LRRFIP2: variants seen among roughly 807,000 people sequenced by gnomAD.
The protein encoded by LRRFIP2 is LRR binding FLII interacting protein 2, also known as leucine-rich repeat flightless-interacting protein 2.
LRRFIP2 carries 109 observed loss-of-function variants against 125.9 expected under a neutral mutation model. The ratio of observed to expected loss-of-function variants is 0.87; its 90% CI spans 0.74 to 1.01. LRRFIP2 has a LOEUF of 1.01. Among genes scored for constraint, LRRFIP2 ranks in the 50% least tolerant of loss-of-function variants. The pLI, the probability that LRRFIP2 is intolerant of heterozygous loss-of-function variation, is 0.00. For missense variants in LRRFIP2, 850 were observed against 862.3 expected (o/e 0.99, Z 0.18); for synonymous variants, 291 against 293.1 (o/e 0.99, Z 0.07).
chr3:37,053,766 TA>T lies in LRRFIP2; in HGVS notation c.*84del. The T allele has an allele frequency of 1.2e-6, 1 of 832,582 alleles. No individual in the cohort carries two copies. Among genetic ancestry groups the T allele is most frequent in the Non-Finnish European group, 2.1e-6 (1 of 480,740 alleles). 51.6% of individuals were successfully genotyped at this position (832,582 alleles called of 1,614,324 possible). On this transcript the variant is annotated 3_prime_UTR_variant, in exon 28 of 28. Transcript: ENST00000336686. Reference sequence around the variant, plus strand: ...TTAATGACAAAACTCAAAACAGTACTAAAAGGGGTTTGTGTCAATGGACAAA... The same window carrying T: ...TTAATGACAAAACTCAAAACAGTACTAAAGGGGTTTGTGTCAATGGACAAA...
At chr3:37,153,425 G>C (rs2096086496) in intron 1 of LRRFIP2, among the ~76,000 whole-genome samples, 1 of 151,740 alleles carries the variant, frequency 6.6e-6, no homozygotes, top group Admixed American at 6.6e-5. Context: ...TCCAATCTAA[G>C]GCTCAAAAAA....
At chr3:37,080,502 T>C (rs1328308196) in intron 19 of LRRFIP2, among the ~76,000 whole-genome samples, 1 of 152,074 alleles carries the variant, frequency 6.6e-6, no homozygotes, top group African/African-American at 2.4e-5. Flanking sequence ...CCTAGTCAAT[T>C]AAAGGATCTA....
intron 2 of LRRFIP2, among the ~76,000 whole-genome samples, chr3:37,134,079 G>A (rs976954069): frequency 6.6e-5 from 10 of 151,964 alleles, no homozygotes; most frequent in African/African-American, 2.4e-4. Context: ...CTACTTGGGA[G>A]GCTGAGGCAG....
intron 12 of LRRFIP2, 117 bp from the exon 13 acceptor site, chr3:37,108,246 T>C (rs2094419304): frequency 2.6e-6 from 2 of 777,240 alleles, no homozygotes; most frequent in African/African-American, 1.7e-5. Context: ...AAGGTAACTG[T>C]TATTCAGTGG....
At chr3:37,078,164 TAATTA>T in intron 19 of LRRFIP2, among the ~76,000 whole-genome samples, 1 of 152,162 alleles carries the variant, frequency 6.6e-6, no homozygotes, top group Non-Finnish European at 1.5e-5. Flanking sequence ...TTTTTAATGA[TAATTA>T]AATTTTTTAA....
intron 19 of LRRFIP2, 80 bp downstream of exon 19, chr3:37,083,556 G>T: frequency 1.9e-6 from 2 of 1,058,834 alleles, no homozygotes; most frequent in Non-Finnish European, 2.7e-6. Context: ...TCCTAAATAA[G>T]TATGCTGCAA....
At chr3:37,108,155 T>C in intron 12 of LRRFIP2, 26 bp from the exon 13 acceptor site, 2 of 1,559,362 alleles carry the variant, frequency 1.3e-6, no homozygotes, top group Non-Finnish European at 1.8e-6. Flanking sequence ...GAAGAAAGGT[T>C]TTACAACAAT....
chr3:37,129,007 C>G (rs2095357472), intron 3 of LRRFIP2, 56 bp downstream of exon 3: 11 of 1,458,256 alleles, frequency 7.5e-6, no homozygotes, highest in Middle Eastern at 1.7e-4. Context: ...ATAAACTAGC[C>G]AAGTACTGAT....
rs760362146 is a variant in LRRFIP2 at position 37,129,049 on chromosome 3, T to C, written c.177+14A>G. 2 of 1,609,206 alleles carry C rather than the reference T, an allele frequency of 1.2e-6. No homozygotes were observed. Among genetic ancestry groups the C allele is most frequent in the African/African-American group, 2.7e-5 (2 of 74,960 alleles). On this transcript the variant is annotated intron_variant, in intron 3 of 27. Transcript: ENST00000336686. Reference sequence around the variant, plus strand: ...GGAGACAAATATGAAATTAGGGTTATTCCCTCAAATTACCTCTTTTTGTTG... The same window carrying C: ...GGAGACAAATATGAAATTAGGGTTACTCCCTCAAATTACCTCTTTTTGTTG...
intron 3 of LRRFIP2, among the ~76,000 whole-genome samples, chr3:37,128,608 G>A (rs574382385): frequency 5.9e-5 from 9 of 151,368 alleles, no homozygotes; most frequent in Non-Finnish European, 1.2e-4. Context: ...ATAAAATTGG[G>A]GTCCTACAAA....
At chr3:37,149,627 G>A (rs1031867828) in intron 1 of LRRFIP2, among the ~76,000 whole-genome samples, 5 of 152,190 alleles carry the variant, frequency 3.3e-5, no homozygotes, top group African/African-American at 1.2e-4. Context: ...AGAAGAAAAT[G>A]TTCAAGAGGT....
At chr3:37,152,455 T>G (rs1317432200) in intron 1 of LRRFIP2, among the ~76,000 whole-genome samples, 1 of 152,234 alleles carries the variant, frequency 6.6e-6, no homozygotes, top group Admixed American at 6.5e-5. Flanking sequence ...TAATTTTTTT[T>G]TTTTGAGACG....
At chr3:37,132,784 A>G (rs1212875542) in intron 2 of LRRFIP2, among the ~76,000 whole-genome samples, 1 of 152,248 alleles carries the variant, frequency 6.6e-6, no homozygotes, top group African/African-American at 2.4e-5. Context: ...ATGGGTACAT[A>G]AAACATACTT....
At chr3:37,099,874 A>T (rs1235285088) in intron 15 of LRRFIP2, among the ~76,000 whole-genome samples, 1 of 152,176 alleles carries the variant, frequency 6.6e-6, no homozygotes, top group Non-Finnish European at 1.5e-5. Context: ...GCCTACAAAC[A>T]TATTTAGTAC....
intron 8 of LRRFIP2, among the ~76,000 whole-genome samples, chr3:37,112,250 C>G (rs1352246510): frequency 1.3e-5 from 2 of 150,596 alleles, no homozygotes; most frequent in African/African-American, 4.9e-5. Context: ...GCAGGAGAAT[C>G]GCTTGAACCT....
chr3:37,054,025 T>C (rs2086093943), intron 27 of LRRFIP2, 64 bp from the exon 28 acceptor site: 4 of 979,322 alleles, frequency 4.1e-6, no homozygotes, highest in Non-Finnish European at 6.6e-6. Context: ...CTACTCTATT[T>C]TCAACTTCCT....
At chr3:37,090,038 T>C (rs140887783) in intron 18 of LRRFIP2, among the ~76,000 whole-genome samples, 1 of 152,212 alleles carries the variant, frequency 6.6e-6, no homozygotes, top group Non-Finnish European at 1.5e-5. Flanking sequence ...CTGTTTCTCA[T>C]GGACCATATC....
At position 37,164,191 on chromosome 3, in the gene LRRFIP2, A is replaced by G. The variant is rs1475492441; in HGVS notation, c.-56+10348T>C. ...CAAATTTTAACTCCCTGAAAAAACA[A>G]AGTTAAACAAGAAAGGAAACAAGTA... On this transcript the variant is annotated intron_variant, in intron 1 of 27. Coordinates refer to ENST00000336686, the MANE Select transcript of LRRFIP2 (RefSeq NM_006309.4). Among the ~76,000 whole-genome samples, 19 of 152,210 alleles carry G rather than the reference A, an allele frequency of 1.2e-4. 1 individual carries two copies. Among genetic ancestry groups the G allele is most frequent in the Admixed American group, 1.2e-3 (19 of 15,276 alleles).
chr3:37,156,393 G>A (rs1444356704), intron 1 of LRRFIP2, among the ~76,000 whole-genome samples: 1 of 151,668 alleles, frequency 6.6e-6, no homozygotes, highest in Non-Finnish European at 1.5e-5. Context: ...GATGACTAGG[G>A]CCAGGCACGG....
Sources: gnomAD v4.1 joint callset for allele counts (sites outside exome capture counted in the v4.1 genomes callset) on GRCh38, gnomAD v4.1.1 for gene constraint, MANE v1.5 for transcripts, NCBI Gene and HGNC (gene_info 2026-07-23, HGNC 2026-07-21) for gene names.